PTPRO: variants seen among roughly 807,000 people sequenced by gnomAD.
The protein encoded by PTPRO is receptor-type tyrosine-protein phosphatase O.
Under a neutral mutation model 145.2 loss-of-function variants are expected in PTPRO, and 62 were observed. That is an observed-to-expected ratio of 0.43 (90% CI 0.35 to 0.53). PTPRO has a LOEUF of 0.53. Ranked by LOEUF, PTPRO falls within the 20% of genes least tolerant of loss-of-function variation. The pLI, the probability that PTPRO is intolerant of heterozygous loss-of-function variation, is 0.01. For synonymous variants in PTPRO, 565 were observed against 514.7 expected (o/e 1.10, Z -1.32); for missense variants, 1,345 against 1,482.7 (o/e 0.91, Z 1.53).
chr12:15,409,106 CTA>C (rs1939725149), intron 1 of PTPRO, among the ~76,000 whole-genome samples: 1 of 151,946 alleles, frequency 6.6e-6, no homozygotes, highest in African/African-American at 2.4e-5. Flanking sequence ...ATAGTAATAA[CTA>C]AGTCAGATGA....
chr12:15,527,336 G>C (rs1339574111), intron 12 of PTPRO, among the ~76,000 whole-genome samples: 3 of 152,228 alleles, frequency 2.0e-5, no homozygotes, highest in Non-Finnish European at 4.4e-5. Context: ...TGGAAAAAGT[G>C]AGGTTGAGGT....
At chr12:15,503,661 G>A (rs1215011659) in intron 5 of PTPRO, among the ~76,000 whole-genome samples, 4 of 152,220 alleles carry the variant, frequency 2.6e-5, no homozygotes, top group Non-Finnish European at 5.9e-5. Context: ...GATACACAGT[G>A]TAGACCCATC....
intron 1 of PTPRO, among the ~76,000 whole-genome samples, chr12:15,355,067 G>A (rs957908903): frequency 4.6e-5 from 7 of 152,114 alleles, no homozygotes; most frequent in Non-Finnish European, 1.0e-4. Context: ...GGAGGATGAA[G>A]AGAGAGAGAA....
chr12:15,570,831 A>G (rs1944029400), intron 19 of PTPRO, among the ~76,000 whole-genome samples: 1 of 152,220 alleles, frequency 6.6e-6, no homozygotes, highest in Non-Finnish European at 1.5e-5. Context: ...TAATTCCTTC[A>G]AGATGGCATG....
chr12:15,508,488 AAAC>A, intron 6 of PTPRO, 80 bp from the exon 7 acceptor site: 4 of 1,405,168 alleles, frequency 2.8e-6, no homozygotes, highest in Non-Finnish European at 4.0e-6. Context: ...GGCAAAAAGA[AAAC>A]ATGATTTTTT....
At chr12:15,405,684 T>C (rs931450003) in intron 1 of PTPRO, among the ~76,000 whole-genome samples, 1 of 152,208 alleles carries the variant, frequency 6.6e-6, no homozygotes, top group African/African-American at 2.4e-5. Flanking sequence ...GTACAAAGTA[T>C]TGGCCGTTAA....
chr12:15,480,034 G>A (rs913955655), intron 1 of PTPRO, among the ~76,000 whole-genome samples: 3 of 152,168 alleles, frequency 2.0e-5, no homozygotes, highest in African/African-American at 7.2e-5. Flanking sequence ...AGGACTAAAT[G>A]ACTGAGGATG....
intron 16 of PTPRO, among the ~76,000 whole-genome samples, chr12:15,558,968 G>C (rs944202881): frequency 1.3e-5 from 2 of 152,148 alleles, no homozygotes; most frequent in African/African-American, 4.8e-5. Flanking sequence ...GTTAGGAAAC[G>C]TTACTAGGTT....
At chr12:15,475,332 T>C (rs752817909) in intron 1 of PTPRO, among the ~76,000 whole-genome samples, 32 of 152,218 alleles carry the variant, frequency 2.1e-4, no homozygotes, top group Non-Finnish European at 2.2e-4. Flanking sequence ...ATGCTACTGG[T>C]TACTCAGTGC....
intron 1 of PTPRO, among the ~76,000 whole-genome samples, chr12:15,422,105 A>G (rs891316127): frequency 2.0e-5 from 3 of 152,174 alleles, no homozygotes; most frequent in Non-Finnish European, 4.4e-5. Flanking sequence ...CTTTGCAGCA[A>G]TTCCAAAATA....
At chr12:15,400,591 T>A (rs1303493501) in intron 1 of PTPRO, among the ~76,000 whole-genome samples, 1 of 152,216 alleles carries the variant, frequency 6.6e-6, no homozygotes, top group African/African-American at 2.4e-5. Context: ...CTCCTCCAAC[T>A]GAGGCACCTT....
intron 1 of PTPRO, among the ~76,000 whole-genome samples, chr12:15,462,149 C>T (rs1267003838): frequency 1.3e-5 from 2 of 152,114 alleles, no homozygotes; most frequent in Non-Finnish European, 2.9e-5. Context: ...TTTGAGACGG[C>T]ATTTCACCCT....
At chr12:15,583,447 T>G (rs960733076) in intron 23 of PTPRO, among the ~76,000 whole-genome samples, 2 of 151,470 alleles carry the variant, frequency 1.3e-5, no homozygotes, top group African/African-American at 4.9e-5. Flanking sequence ...CCACTACACT[T>G]CAGCCTGGGC....
chr12:15,534,667 A>T (rs1420657722), intron 12 of PTPRO, among the ~76,000 whole-genome samples: 2 of 152,224 alleles, frequency 1.3e-5, no homozygotes, highest in African/African-American at 4.8e-5. Context: ...GGAGGATGCC[A>T]GACAGAGGGA....
intron 12 of PTPRO, among the ~76,000 whole-genome samples, chr12:15,546,029 AAT>A (rs1342705126): frequency 6.8e-6 from 1 of 146,974 alleles, no homozygotes; most frequent in African/African-American, 2.5e-5. Flanking sequence ...AAAAAAAAAA[AAT>A]GATACTATCT....
chr12:15,454,543 C>T (rs1004660010), intron 1 of PTPRO, among the ~76,000 whole-genome samples: 4 of 152,122 alleles, frequency 2.6e-5, no homozygotes, highest in African/African-American at 9.7e-5. Flanking sequence ...TAATCATTTC[C>T]TTTGCTGTGC....
At chr12:15,389,282 T>G (rs1939122398) in intron 1 of PTPRO, among the ~76,000 whole-genome samples, 1 of 152,116 alleles carries the variant, frequency 6.6e-6, no homozygotes, top group Admixed American at 6.5e-5. Context: ...TTTGTTTTTG[T>G]ATTTTTAGTA....
At chr12:15,438,361 C>G (rs961918970) in intron 1 of PTPRO, among the ~76,000 whole-genome samples, 2 of 151,884 alleles carry the variant, frequency 1.3e-5, no homozygotes, top group Non-Finnish European at 2.9e-5. Flanking sequence ...TGGTCCCTAG[C>G]CAAAATGGAA....
At chr12:15,466,522 A>G (rs188275463) in intron 1 of PTPRO, among the ~76,000 whole-genome samples, 10 of 152,348 alleles carry the variant, frequency 6.6e-5, no homozygotes, top group Non-Finnish European at 1.3e-4. Flanking sequence ...TGCAATGCCT[A>G]TAATGGGAAC....
Sources: allele counts gnomAD v4.1 joint callset (sites outside exome capture counted in the v4.1 genomes callset), GRCh38; gene constraint gnomAD v4.1.1; transcripts MANE v1.5; gene names NCBI Gene and HGNC (gene_info 2026-07-23, HGNC 2026-07-21).